Variants in SLC25A21 observed in about 807,000 individuals in gnomAD.
The protein encoded by SLC25A21 is solute carrier family 25 member 21, also known as mitochondrial 2-oxodicarboxylate carrier.
In SLC25A21, 47 loss-of-function variants were observed where a neutral mutation model predicts 43.8. The observed-to-expected ratio is 1.07, with a 90% CI of 0.85 to 1.37. SLC25A21 has a LOEUF of 1.37. SLC25A21 is among the 40% of genes most tolerant of loss of function. SLC25A21 has a pLI of 0.00. For missense variants in SLC25A21, 352 were observed against 350.2 expected (o/e 1.00, Z -0.04); for synonymous variants, 131 against 121.3 (o/e 1.08, Z -0.52).
intron 1 of SLC25A21, among the ~76,000 whole-genome samples, chr14:37,037,251 C>T (rs8004339): frequency 0.47 from 71,363 of 152,036 alleles, 19,154 homozygotes; most frequent in African/African-American, 0.75. Context: ...TCCCCTTCCT[C>T]GGCAGAATTT....
intron 3 of SLC25A21, among the ~76,000 whole-genome samples, chr14:36,795,621 G>C (rs947831898): frequency 6.6e-6 from 1 of 152,188 alleles, no homozygotes; most frequent in Admixed American, 6.5e-5. Context: ...CTGAGAAAGG[G>C]CTTTTTCTAA....
chr14:36,777,719 G>C (rs1886888743), intron 3 of SLC25A21, among the ~76,000 whole-genome samples: 1 of 152,176 alleles, frequency 6.6e-6, no homozygotes, highest in Non-Finnish European at 1.5e-5. Context: ...CAACCCTGAA[G>C]ACATCTTAGT....
At chr14:36,934,268 T>C (rs1430012423) in intron 1 of SLC25A21, among the ~76,000 whole-genome samples, 1 of 152,066 alleles carries the variant, frequency 6.6e-6, no homozygotes, top group African/African-American at 2.4e-5. Flanking sequence ...TTGACTATAA[T>C]CCAGGCGACC....
intron 3 of SLC25A21, among the ~76,000 whole-genome samples, chr14:36,793,033 C>A (rs764233909): frequency 6.6e-6 from 1 of 152,144 alleles, no homozygotes. Context: ...TCTGAAATGG[C>A]GTCTTATACT....
At position 36,849,340 on chromosome 14, in the gene SLC25A21, C is replaced by T. The variant is rs150740734; in HGVS notation, c.119+25616G>A. Among the ~76,000 whole-genome samples, 12 of 152,098 alleles carry T rather than the reference C, an allele frequency of 7.9e-5. No individual in the cohort carries two copies. The East Asian group carries it at 2.3e-3, about 29-fold the overall frequency. ...ACTTCCATATTGAGTACTTTTTGGA[C>T]AGCAGAGGAATGAATTACACGTTTG... On this transcript the variant is annotated intron_variant, in intron 2 of 9. Transcript: ENST00000331299.
intron 2 of SLC25A21, among the ~76,000 whole-genome samples, chr14:36,823,064 A>G (rs1055251846): frequency 9.2e-5 from 14 of 152,204 alleles, no homozygotes; most frequent in African/African-American, 3.1e-4. Flanking sequence ...GAATTGTGAT[A>G]AGAGAGTTTA....
At chr14:36,936,866 G>A (rs1482768962) in intron 1 of SLC25A21, among the ~76,000 whole-genome samples, 1 of 152,128 alleles carries the variant, frequency 6.6e-6, no homozygotes, top group African/African-American at 2.4e-5. Flanking sequence ...TCCCCACACA[G>A]GAGGAGATCA....
At chr14:36,840,746 A>G (rs1279183906) in intron 2 of SLC25A21, among the ~76,000 whole-genome samples, 1 of 152,224 alleles carries the variant, frequency 6.6e-6, no homozygotes, top group Non-Finnish European at 1.5e-5. Context: ...AATTTCAGTA[A>G]TTTGTGACTT....
intron 1 of SLC25A21, among the ~76,000 whole-genome samples, chr14:36,978,496 C>A (rs1051035223): frequency 1.3e-5 from 2 of 152,106 alleles, no homozygotes; most frequent in Non-Finnish European, 2.9e-5. Context: ...CACAGGGCTG[C>A]CACAAACCTT....
At chr14:37,159,002 A>AAATACC (rs1963895252) in intron 1 of SLC25A21, among the ~76,000 whole-genome samples, 1 of 152,132 alleles carries the variant, frequency 6.6e-6, no homozygotes, top group Admixed American at 6.5e-5. Flanking sequence ...AAAACATATA[A>AAATACC]AATACCTGGA....
At chr14:36,719,737 G>A (rs145364953) in intron 6 of SLC25A21, among the ~76,000 whole-genome samples, 1 of 152,200 alleles carries the variant, frequency 6.6e-6, no homozygotes, top group Non-Finnish European at 1.5e-5. Context: ...TATGAGGGCA[G>A]TATCAGGAAC....
chr14:37,171,193 C>G (rs1044950390), intron 1 of SLC25A21, among the ~76,000 whole-genome samples: 1 of 151,064 alleles, frequency 6.6e-6, no homozygotes, highest in African/African-American at 2.4e-5. Flanking sequence ...ATGAATGGCT[C>G]TAATGTGATA....
chr14:37,136,036 C>A (rs1252395736), intron 1 of SLC25A21, among the ~76,000 whole-genome samples: 1 of 152,056 alleles, frequency 6.6e-6, no homozygotes, highest in East Asian at 1.9e-4. Flanking sequence ...CTTATAAATT[C>A]CTTGGTTGTC....
At chr14:37,109,994 G>A (rs1962989119) in intron 1 of SLC25A21, among the ~76,000 whole-genome samples, 1 of 152,102 alleles carries the variant, frequency 6.6e-6, no homozygotes, top group African/African-American at 2.4e-5. Context: ...CTATTACAAT[G>A]TTATTAAAAT....
chr14:37,009,308 C>CA lies in SLC25A21; in HGVS notation c.71-134305dup, dbSNP rs545774527. Among the ~76,000 whole-genome samples, 491 of 152,036 alleles carry CA rather than the reference C, an allele frequency of 3.2e-3. 1 individual carries two copies. Among genetic ancestry groups the CA allele is most frequent in the African/African-American group, 0.011 (443 of 41,482 alleles). On this transcript the variant is annotated intron_variant, in intron 1 of 9. Transcript: ENST00000331299. The stretch of plus-strand genomic sequence containing the variant: ...TTTGAGACCAGCCTGGCCAACATGG[C>CA]AAAACCGTCTCTACTAAAAATACAA...
At chr14:36,779,570 T>C (rs1281794935) in intron 3 of SLC25A21, among the ~76,000 whole-genome samples, 1 of 143,630 alleles carries the variant, frequency 7.0e-6, no homozygotes, top group African/African-American at 2.5e-5. Context: ...TGAAGAATAT[T>C]ATCCAGTCTT....
At chr14:36,922,633 T>A (rs1389809673) in intron 1 of SLC25A21, among the ~76,000 whole-genome samples, 2 of 151,848 alleles carry the variant, frequency 1.3e-5, no homozygotes, top group African/African-American at 4.8e-5. Context: ...AGCTAAAATA[T>A]CCTCAGAGCT....
intron 5 of SLC25A21, 44 bp downstream of exon 5, chr14:36,729,463 T>C (rs878945957): frequency 7.0e-7 from 1 of 1,431,078 alleles, no homozygotes; most frequent in South Asian, 1.3e-5. Context: ...TTTTGCTTTA[T>C]GAAATAACAC....
chr14:36,742,460 A>C (rs888609706), intron 3 of SLC25A21, among the ~76,000 whole-genome samples: 7 of 152,166 alleles, frequency 4.6e-5, no homozygotes, highest in Admixed American at 2.6e-4. Context: ...TGCACTCCAC[A>C]AGTGTCAGCA....
Sources: gnomAD v4.1 joint callset for allele counts (sites outside exome capture counted in the v4.1 genomes callset) on GRCh38, gnomAD v4.1.1 for gene constraint, MANE v1.5 for transcripts, NCBI Gene and HGNC (gene_info 2026-07-23, HGNC 2026-07-21) for gene names.